The following JARID2 variants were observed in gnomAD, a reference collection of about 807,000 sequenced individuals.
JARID2 encodes protein Jumonji.
A neutral mutation model predicts 125.6 loss-of-function variants in JARID2; 21 were observed. That is an observed-to-expected ratio of 0.17 (90% CI 0.12 to 0.24). The LOEUF (loss-of-function observed/expected upper bound fraction) is 0.24, where lower values mean the gene tolerates loss of function less well. Ranked by LOEUF, JARID2 falls within the 10% of genes least tolerant of loss-of-function variation. The pLI is 1.00. For missense variants in JARID2, 1,303 were observed against 1,639.6 expected, an observed-to-expected ratio of 0.79 and a Z score of 3.55; for synonymous variants, 736 against 661.6, an observed-to-expected ratio of 1.11 and a Z score of -1.73.
intron 7 of JARID2, among the ~76,000 whole-genome samples, chr6:15,497,549 G>A (rs1770514714): frequency 6.6e-6 from 1 of 151,810 alleles, no homozygotes; most frequent in South Asian, 2.1e-4. Flanking sequence ...ACTTGGAGAG[G>A]CTGAGGCAGG....
chr6:15,507,104 G>C (rs1336558546), intron 9 of JARID2, 32 bp from the exon 10 acceptor site: 1 of 1,399,724 alleles, frequency 7.1e-7, no homozygotes, highest in Non-Finnish European at 1.0e-6. Flanking sequence ...GCACCTTAGG[G>C]GTGCTGACCA....
intron 1 of JARID2, among the ~76,000 whole-genome samples, chr6:15,262,433 C>T (rs138599691): frequency 5.9e-4 from 90 of 151,720 alleles, no homozygotes; most frequent in African/African-American, 2.1e-3. Context: ...GTACTTCATT[C>T]CTTTTTGTGG....
chr6:15,434,413 A>G (rs970325563), intron 3 of JARID2, among the ~76,000 whole-genome samples: 2 of 151,944 alleles, frequency 1.3e-5, no homozygotes, highest in African/African-American at 2.4e-5. Flanking sequence ...GCTGATGGGG[A>G]GAGAGATTTT....
In JARID2 at chr6:15,287,142, C is replaced by CACAAACAA. The variant is rs371534589; in HGVS notation, c.45+40572_45+40579dup. On this transcript the variant is annotated intron_variant, in intron 1 of 17. Coordinates refer to ENST00000341776, the MANE Select transcript of JARID2 (RefSeq NM_004973.4). Reference sequence around the variant, plus strand: ...ACTCTCATCTCAAAAAAAAAGAAAACACAAACAAACAAACAAACAAAAAAA... The same window carrying CACAAACAA: ...ACTCTCATCTCAAAAAAAAAGAAAACACAAACAAACAAACAAACAAACAAACAAAAAAA... Among the ~76,000 whole-genome samples, 585 of 151,968 alleles carry CACAAACAA rather than the reference C, an allele frequency of 3.8e-3. 6 individuals carry two copies. The highest frequency in any genetic ancestry group is 0.014 in the African/African-American group (567 of 41,428).
At chr6:15,374,774 G>C (rs1764291632) in intron 2 of JARID2, among the ~76,000 whole-genome samples, 1 of 152,226 alleles carries the variant, frequency 6.6e-6, no homozygotes, top group Non-Finnish European at 1.5e-5. Flanking sequence ...TGCCTGGAAA[G>C]AAACTTGTTC....
intron 1 of JARID2, among the ~76,000 whole-genome samples, chr6:15,253,241 T>C (rs984386498): frequency 1.3e-5 from 2 of 152,116 alleles, no homozygotes; most frequent in Admixed American, 6.6e-5. Flanking sequence ...ATTTTTGTAT[T>C]TTTAGTAAAG....
chr6:15,472,986 C>T (rs1485984301), intron 5 of JARID2, among the ~76,000 whole-genome samples: 1 of 152,186 alleles, frequency 6.6e-6, no homozygotes, highest in African/African-American at 2.4e-5. Context: ...GAGACAAGCA[C>T]GAAACCAACT....
intron 5 of JARID2, among the ~76,000 whole-genome samples, chr6:15,482,633 T>C (rs1769676406): frequency 6.6e-6 from 1 of 152,216 alleles, no homozygotes; most frequent in Admixed American, 6.5e-5. Flanking sequence ...TTGCAGTACA[T>C]AGTTTGGTTG....
intron 2 of JARID2, among the ~76,000 whole-genome samples, chr6:15,409,650 A>G (rs1460790624): frequency 4.6e-5 from 7 of 152,234 alleles, no homozygotes; most frequent in Non-Finnish European, 1.0e-4. Flanking sequence ...ATCTGCTATC[A>G]TAGAGAATCC....
chr6:15,364,114 G>T (rs1168730878), intron 1 of JARID2, among the ~76,000 whole-genome samples: 1 of 152,066 alleles, frequency 6.6e-6, no homozygotes, highest in Admixed American at 6.6e-5. Flanking sequence ...GCTGGGGTTC[G>T]GGTGGGGTAG....
chr6:15,295,733 G>C (rs559527737), intron 1 of JARID2, among the ~76,000 whole-genome samples: 4 of 152,106 alleles, frequency 2.6e-5, no homozygotes, highest in Non-Finnish European at 5.9e-5. Context: ...GCACAACCTC[G>C]GTTTACTGCA....
chr6:15,357,067 T>C (rs997593427), intron 1 of JARID2, among the ~76,000 whole-genome samples: 3 of 152,204 alleles, frequency 2.0e-5, no homozygotes, highest in South Asian at 2.1e-4. Context: ...GTTACTTGGC[T>C]ATGTGTTCTA....
At chr6:15,422,867 G>C (rs1013301850) in intron 3 of JARID2, among the ~76,000 whole-genome samples, 39 of 151,970 alleles carry the variant, frequency 2.6e-4, no homozygotes, top group African/African-American at 8.9e-4. Context: ...TATTGCTCCA[G>C]TTTACAGGAA....
At chr6:15,394,749 A>G (rs952379209) in intron 2 of JARID2, among the ~76,000 whole-genome samples, 2 of 152,200 alleles carry the variant, frequency 1.3e-5, no homozygotes, top group Non-Finnish European at 2.9e-5. Context: ...AGAGGAGAGA[A>G]TAGTCAGAAA....
chr6:15,366,827 A>C (rs1763997055), intron 1 of JARID2, among the ~76,000 whole-genome samples: 1 of 152,050 alleles, frequency 6.6e-6, no homozygotes, highest in Non-Finnish European at 1.5e-5. Context: ...CCAGGTTGTT[A>C]TTTAAAACAT....
intron 1 of JARID2, among the ~76,000 whole-genome samples, chr6:15,318,401 C>G (rs1762247797): frequency 6.6e-6 from 1 of 152,216 alleles, no homozygotes. Flanking sequence ...CTACATGAAA[C>G]AGGCAGATCT....
intron 4 of JARID2, among the ~76,000 whole-genome samples, chr6:15,465,536 CAACATAAACTCAATCCTCACCCT>C (rs769939230): frequency 3.4e-4 from 52 of 152,196 alleles, no homozygotes; most frequent in South Asian, 6.2e-4. Context: ...TAGTTCTTTG[CAACATAAACTCAATCCTCACCCT>C]AACATAAACT....
chr6:15,468,766 T>C (rs1768873067), intron 5 of JARID2, 48 bp downstream of exon 5: 1 of 1,560,576 alleles, frequency 6.4e-7, no homozygotes. Flanking sequence ...AAGCTTTGGG[T>C]GAGAGCTGGA....
chr6:15,485,379 C>T (rs768170654), intron 5 of JARID2, among the ~76,000 whole-genome samples: 3 of 152,044 alleles, frequency 2.0e-5, no homozygotes, highest in Non-Finnish European at 4.4e-5. Flanking sequence ...ATTATTTTAC[C>T]GTTTGAAAGC....
Sources: allele counts gnomAD v4.1 joint callset (sites outside exome capture counted in the v4.1 genomes callset), GRCh38; gene constraint gnomAD v4.1.1; transcripts MANE v1.5; gene names NCBI Gene and HGNC (gene_info 2026-07-23, HGNC 2026-07-21).